SPAG17: variants seen among roughly 807,000 people sequenced by gnomAD.
SPAG17 encodes the protein sperm associated antigen 17, also known as sperm-associated antigen 17.
SPAG17 carries 169 observed loss-of-function variants against 273.6 expected under a neutral mutation model. The ratio of observed to expected loss-of-function variants is 0.62; its 90% CI spans 0.55 to 0.70. The LOEUF is 0.70. SPAG17 is among the 30% of genes least tolerant of loss of function. The pLI is 0.00. For missense variants in SPAG17, 2,557 were observed against 2,627.8 expected (o/e 0.97, Z 0.59); for synonymous variants, 825 against 873.2 (o/e 0.94, Z 0.97).
chr1:118,148,195 T>C (rs535170953), intron 3 of SPAG17, among the ~76,000 whole-genome samples: 123 of 152,346 alleles, frequency 8.1e-4, no homozygotes, highest in African/African-American at 2.8e-3. Flanking sequence ...CTCAGGAGTT[T>C]ACCACTATCA....
intron 3 of SPAG17, among the ~76,000 whole-genome samples, chr1:118,132,361 GA>G (rs1658098875): frequency 6.6e-6 from 1 of 152,206 alleles, no homozygotes; most frequent in African/African-American, 2.4e-5. Context: ...CAGGAAACTG[GA>G]AAGTGGCTGT....
At position 117,963,836 on chromosome 1, in the gene SPAG17, A is replaced by G. The variant is rs768973570; in HGVS notation, c.6635T>C (p.Leu2212Pro). Residue 2212 changes from leucine (L) to proline (P), a missense_variant, in exon 48 of 49, where the codon CTT (leucine) becomes CCT (proline). Physicochemically the swap from Leu to Pro is moderately conservative, Grantham distance 98 (BLOSUM62 -3). Transcript: ENST00000336338. Reference protein sequence around the residue: ...QRTSTIYSSTLGVFMSRKVSP... With the variant: ...QRTSTIYSSTPGVFMSRKVSP... Reference sequence around the variant, plus strand: ...AACTTTACGAGACATGAAGACTCCAAGTGTGGAGGAATAAATTGTAGAAGT... The same window carrying G: ...AACTTTACGAGACATGAAGACTCCAGGTGTGGAGGAATAAATTGTAGAAGT... 59 of 1,613,680 alleles carry G rather than the reference A, an allele frequency of 3.7e-5. No homozygotes were observed. The highest frequency in any genetic ancestry group is 4.7e-5 in the Non-Finnish European group (56 of 1,179,746).
intron 20 of SPAG17, among the ~76,000 whole-genome samples, chr1:118,047,781 C>G (rs147016244): frequency 2.1e-4 from 32 of 152,184 alleles, no homozygotes; most frequent in African/African-American, 7.7e-4. Context: ...CCTCCAGGAA[C>G]CCCCGGCACC....
At chr1:118,132,259 G>A (rs1658093518) in intron 3 of SPAG17, among the ~76,000 whole-genome samples, 1 of 152,078 alleles carries the variant, frequency 6.6e-6, no homozygotes. Context: ...GAAGAGTGAC[G>A]AGAGGAGAGC....
intron 10 of SPAG17, 143 bp downstream of exon 10, chr1:118,091,463 T>C: frequency 1.8e-6 from 1 of 565,094 alleles, no homozygotes; most frequent in Non-Finnish European, 3.2e-6. Flanking sequence ...AGACTTTAGT[T>C]TCATCTGAAC....
At chr1:118,093,118 A>C (rs768638102) in intron 8 of SPAG17, 38 bp downstream of exon 8, 32 of 1,569,524 alleles carry the variant, frequency 2.0e-5, no homozygotes, top group Non-Finnish European at 2.5e-5. Context: ...TGTTCAGTGA[A>C]TCATTCATCC....
Position 117,953,782 on chromosome 1 carries a change from A to C in SPAG17, c.*268T>G. 1.7e-6 allele frequency: 1 copy of C among 604,888 alleles called. No homozygotes were observed. Among genetic ancestry groups the C allele is most frequent in the East Asian group, 2.8e-5 (1 of 36,176 alleles). 37.5% of individuals were successfully genotyped at this position (604,888 alleles called of 1,614,324 possible). A position where few individuals can be genotyped will look rare whatever the true frequency, so the allele number is the denominator to read the frequency against. On this transcript the variant is annotated 3_prime_UTR_variant, in exon 49 of 49. Transcript: ENST00000336338. ...GACCTGCCCTATTCAGAGTGTCTAGATATCATCCCACCTGAGTCCATGACA... is the reference window on the plus strand; with the variant it reads ...GACCTGCCCTATTCAGAGTGTCTAGCTATCATCCCACCTGAGTCCATGACA...
Position 118,099,745 on chromosome 1 carries a change from A to G in SPAG17, c.690T>C (p.Asn230=), listed in dbSNP as rs775620561. ...CAGCCATAATTGCTAATAGCTGAGGATTGTTAAAGCCCACAACTATAATGT... is the reference window on the plus strand; with the variant it reads ...CAGCCATAATTGCTAATAGCTGAGGGTTGTTAAAGCCCACAACTATAATGT... ...QHYIIVVGFN[N]PQLLAIMAEL... is the part of the protein sequence containing the mutation. The change falls in exon 6 of 49, where the codon AAT becomes AAC. Residue 230 remains asparagine, a synonymous_variant. Transcript: ENST00000336338. The G allele has an allele frequency of 3.7e-6, 6 of 1,613,366 alleles. No homozygotes were observed. The South Asian group carries it at 4.4e-5, about 12-fold the overall frequency.
At chr1:118,040,911 C>T (rs1649679016) in intron 21 of SPAG17, 70 bp from the exon 22 acceptor site, 2 of 1,042,476 alleles carry the variant, frequency 1.9e-6, no homozygotes, top group Admixed American at 1.8e-5. Flanking sequence ...TCAGTGTTAG[C>T]CAACTAAAGT....
intron 3 of SPAG17, among the ~76,000 whole-genome samples, chr1:118,120,176 C>T (rs1657340516): frequency 6.6e-6 from 1 of 151,972 alleles, no homozygotes; most frequent in Non-Finnish European, 1.5e-5. Context: ...GATATTAGTG[C>T]TAATAGTTTT....
intron 1 of SPAG17, among the ~76,000 whole-genome samples, chr1:118,172,023 A>G (rs995368830): frequency 4.6e-5 from 7 of 152,184 alleles, no homozygotes; most frequent in Non-Finnish European, 1.0e-4. Context: ...ACAGCACTAT[A>G]ATGTGTAGAA....
At chr1:118,077,603 C>G (rs1389283480) in intron 15 of SPAG17, among the ~76,000 whole-genome samples, 3 of 152,058 alleles carry the variant, frequency 2.0e-5, no homozygotes, top group Non-Finnish European at 2.9e-5. Context: ...CTTATTCTGA[C>G]TCTATATTAA....
chr1:118,155,984 T>G (rs1179041146), intron 1 of SPAG17, among the ~76,000 whole-genome samples: 1 of 152,218 alleles, frequency 6.6e-6, no homozygotes, highest in African/African-American at 2.4e-5. Flanking sequence ...TAAAATAGGT[T>G]GAAAATGTAT....
At position 118,026,318 on chromosome 1, in the gene SPAG17, G is replaced by A. The variant is rs376990222; in HGVS notation, c.3731-902C>T. ...TATTATGGAGAAATTCTGGCATACC[G>A]TACCTAAGCAGGCTTTGCTAACTGA... On this transcript the variant is annotated intron_variant, in intron 26 of 48. Coordinates refer to ENST00000336338, the MANE Select transcript of SPAG17 (RefSeq NM_206996.4). Among the ~76,000 whole-genome samples, 193 of 152,212 alleles carry A rather than the reference G, an allele frequency of 1.3e-3. 2 individuals are homozygous for A. Among genetic ancestry groups the A allele is most frequent in the African/African-American group, 4.3e-3 (179 of 41,532 alleles).
intron 20 of SPAG17, among the ~76,000 whole-genome samples, chr1:118,048,882 C>A (rs558106921): frequency 2.6e-5 from 4 of 151,696 alleles, no homozygotes; most frequent in Non-Finnish European, 5.9e-5. Context: ...GGCGACAGAG[C>A]GAGACTCCAT....
intron 5 of SPAG17, 51 bp from the exon 6 acceptor site, chr1:118,099,851 G>T: frequency 6.5e-7 from 1 of 1,540,254 alleles, no homozygotes; most frequent in Non-Finnish European, 8.9e-7. Flanking sequence ...AAGAGAGCAG[G>T]TTGCACTCAG....
intron 3 of SPAG17, among the ~76,000 whole-genome samples, chr1:118,149,176 C>A (rs1416993060): frequency 3.3e-5 from 5 of 152,042 alleles, no homozygotes; most frequent in African/African-American, 1.2e-4. Context: ...TGTGGTAGAG[C>A]CAGATGTGAA....
At chr1:118,167,133 A>T (rs1660206382) in intron 1 of SPAG17, among the ~76,000 whole-genome samples, 1 of 152,210 alleles carries the variant, frequency 6.6e-6, no homozygotes, top group South Asian at 2.1e-4. Context: ...AAGCTGATAC[A>T]TGATGTTCTT....
intron 1 of SPAG17, among the ~76,000 whole-genome samples, chr1:118,158,273 C>T (rs1485623588): frequency 1.3e-5 from 2 of 152,168 alleles, no homozygotes; most frequent in East Asian, 1.9e-4. Flanking sequence ...TAACCTATCA[C>T]CAACCATAGA....
Sources: allele counts gnomAD v4.1 joint callset (sites outside exome capture counted in the v4.1 genomes callset), GRCh38; gene constraint gnomAD v4.1.1; transcripts MANE v1.5; gene names NCBI Gene and HGNC (gene_info 2026-07-23, HGNC 2026-07-21).